The following NEBL variants were observed in gnomAD, a reference collection of about 807,000 sequenced individuals.
NEBL encodes the protein LIM and SH3 protein 2.
NEBL carries 122 observed loss-of-function variants against 140.2 expected under a neutral mutation model. The ratio of observed to expected loss-of-function variants is 0.87; its 90% CI spans 0.75 to 1.01. The LOEUF is 1.01. Among genes scored for constraint, NEBL ranks in the 50% least tolerant of loss-of-function variants. The pLI, the probability that NEBL is intolerant of heterozygous loss-of-function variation, is 0.00. For missense variants in NEBL, 1,365 were observed against 1,231.3 expected (o/e 1.11, Z -1.62); for synonymous variants, 436 against 398.9 (o/e 1.09, Z -1.11).
At position 20,859,732 on chromosome 10, in the gene NEBL, G is replaced by C; in HGVS notation, c.779C>G (p.Ala260Gly). The change falls in exon 8 of 28, where the codon GCT (alanine) becomes GGT (glycine). Residue 260 changes from alanine (A) to glycine (G), a missense_variant. This residue lies in a region of NEBL where 1,323 missense variants were observed against 1,154.8 expected (regional missense o/e 1.15). Coordinates refer to ENST00000377122, the MANE Select transcript of NEBL (RefSeq NM_006393.3). The stretch of plus-strand genomic sequence containing the variant: ...ACTTACATTGCTCGCCAGTGTAGCA[G>C]CAAGCTGATTCTGCCTAAAAGAAGC... ...ESASFRQNQL[A>G]ATLASNVKYK... 4 of 1,595,796 alleles carry C rather than the reference G, an allele frequency of 2.5e-6. No homozygotes were observed. The highest frequency in any genetic ancestry group is 3.4e-6 in the Non-Finnish European group (4 of 1,164,278).
intron 3 of NEBL, among the ~76,000 whole-genome samples, chr10:21,247,162 C>T (rs1038302162): frequency 6.6e-6 from 1 of 152,128 alleles, no homozygotes; most frequent in African/African-American, 2.4e-5. Flanking sequence ...TCCTGTGTAG[C>T]CTGTGGAACT....
chr10:21,182,807 T>A (rs1841407264), intron 3 of NEBL, among the ~76,000 whole-genome samples: 1 of 152,238 alleles, frequency 6.6e-6, no homozygotes, highest in Admixed American at 6.5e-5. Context: ...TTTAACCCAA[T>A]GTATCCAAAA....
chr10:21,206,089 G>A (rs1041671952), intron 3 of NEBL, among the ~76,000 whole-genome samples: 2 of 152,114 alleles, frequency 1.3e-5, no homozygotes, highest in South Asian at 2.1e-4. Flanking sequence ...GCTTCATCAG[G>A]ATGTTCTGGA....
intron 2 of NEBL, among the ~76,000 whole-genome samples, chr10:21,060,020 T>A (rs567840565): frequency 6.6e-6 from 1 of 152,350 alleles, no homozygotes; most frequent in South Asian, 2.1e-4. Flanking sequence ...CTTTGGGTTC[T>A]GCCAAATACA....
At chr10:20,861,023 G>A (rs1034884250) in intron 7 of NEBL, among the ~76,000 whole-genome samples, 1 of 152,022 alleles carries the variant, frequency 6.6e-6, no homozygotes, top group Non-Finnish European at 1.5e-5. Context: ...CTGATTTTAA[G>A]TAATCAGCAA....
At chr10:20,914,227 A>C (rs550366400) in intron 4 of NEBL, among the ~76,000 whole-genome samples, 1 of 152,340 alleles carries the variant, frequency 6.6e-6, no homozygotes, top group Admixed American at 6.5e-5. Context: ...GCTGGAGCTA[A>C]ATGCTGGGTA....
At chr10:20,802,628 AAGG>A (rs1261456091) in intron 26 of NEBL, among the ~76,000 whole-genome samples, 1 of 152,218 alleles carries the variant, frequency 6.6e-6, no homozygotes, top group Non-Finnish European at 1.5e-5. Context: ...TGAAAACTTA[AAGG>A]AGAAGGCTTA....
intron 4 of NEBL, among the ~76,000 whole-genome samples, chr10:20,910,061 A>T (rs1848267604): frequency 2.6e-5 from 4 of 152,222 alleles, no homozygotes; most frequent in Admixed American, 2.6e-4. Flanking sequence ...TTCTCAGGGT[A>T]GGACTCTACT....
intron 1 of NEBL, among the ~76,000 whole-genome samples, chr10:21,289,223 C>T (rs1049065301): frequency 8.6e-5 from 12 of 140,026 alleles, no homozygotes; most frequent in Admixed American, 3.7e-4. Flanking sequence ...TGAGCAGGAA[C>T]ATAATTGCAC....
chr10:20,823,378 C>T, intron 18 of NEBL, 78 bp from the exon 19 acceptor site: 1 of 1,044,486 alleles, frequency 9.6e-7, no homozygotes, highest in Non-Finnish European at 1.4e-6. Flanking sequence ...TCAATTGTAA[C>T]TATTGCATAA....
intron 2 of NEBL, among the ~76,000 whole-genome samples, chr10:21,110,373 T>G (rs931108805): frequency 1.3e-5 from 2 of 152,186 alleles, no homozygotes; most frequent in African/African-American, 4.8e-5. Flanking sequence ...TGAGCTTTCA[T>G]AGTATGCATT....
chr10:20,953,037 T>C (rs1424325604), intron 4 of NEBL, among the ~76,000 whole-genome samples: 2 of 151,750 alleles, frequency 1.3e-5, no homozygotes, highest in African/African-American at 4.8e-5. Flanking sequence ...ATTCACAAAG[T>C]GTATGTCACT....
intron 10 of NEBL, among the ~76,000 whole-genome samples, chr10:20,851,854 T>C (rs548225378): frequency 6.6e-6 from 1 of 152,282 alleles, no homozygotes; most frequent in African/African-American, 2.4e-5. Flanking sequence ...ATTTCCAAAC[T>C]TAAAGGGGAA....
At chr10:20,930,261 T>C (rs1366994766) in intron 4 of NEBL, among the ~76,000 whole-genome samples, 1 of 152,168 alleles carries the variant, frequency 6.6e-6, no homozygotes, top group Non-Finnish European at 1.5e-5. Context: ...GACGTTCTTG[T>C]TTTCCCTACT....
chr10:21,207,791 T>C (rs1352573152), intron 3 of NEBL, among the ~76,000 whole-genome samples: 6 of 152,194 alleles, frequency 3.9e-5, no homozygotes, highest in Non-Finnish European at 5.9e-5. Context: ...CTATGGAACA[T>C]CTGTCTCTAG....
At chr10:21,216,770 C>T (rs1379445686) in intron 3 of NEBL, among the ~76,000 whole-genome samples, 2 of 112,086 alleles carry the variant, frequency 1.8e-5, no homozygotes, top group African/African-American at 6.3e-5. Context: ...GACTCCATCT[C>T]GAAAAAAAAA....
chr10:21,120,693 A>C (rs1589254735), intron 2 of NEBL, among the ~76,000 whole-genome samples: 1 of 147,978 alleles, frequency 6.8e-6, no homozygotes, highest in Admixed American at 6.7e-5. Context: ...AAAAAAAAAA[A>C]AAAAAAAAAA....
chr10:21,008,462 T>C lies in NEBL; in HGVS notation c.249+11655A>G, dbSNP rs1007294138. 7.9e-5 allele frequency among the ~76,000 whole-genome samples: 12 copies of C among 152,244 alleles called. No individual in the cohort carries two copies. In the South Asian group the frequency reaches 2.5e-3, roughly 32 times the overall value. ...ACAGATTTTTGGGGAACAGATGGTATTTGGTTACATCAAAAAGTGAGCTAA... is the reference window on the plus strand; with the variant it reads ...ACAGATTTTTGGGGAACAGATGGTACTTGGTTACATCAAAAAGTGAGCTAA... On this transcript the variant is annotated intron_variant, in intron 3 of 6. Coordinates refer to the NEBL transcript ENST00000417816.
intron 4 of NEBL, among the ~76,000 whole-genome samples, chr10:20,908,738 C>T (rs1040437167): frequency 3.9e-5 from 6 of 152,112 alleles, no homozygotes; most frequent in East Asian, 1.9e-4. Context: ...TAGCAGCCAG[C>T]GCCACACAGC....
Sources: allele counts gnomAD v4.1 joint callset (sites outside exome capture counted in the v4.1 genomes callset), GRCh38; gene constraint gnomAD v4.1.1; regional missense constraint gnomAD v4.1.1; transcripts MANE v1.5; gene names NCBI Gene and HGNC (gene_info 2026-07-23, HGNC 2026-07-21).